The following NEDD4L variants were observed in gnomAD, a reference collection of about 807,000 sequenced individuals.
NEDD4L encodes NEDD4 like E3 ubiquitin protein ligase.
In NEDD4L, 54 loss-of-function variants were observed where a neutral mutation model predicts 148.9. The ratio of observed to expected loss-of-function variants is 0.36; its 90% CI spans 0.29 to 0.45. NEDD4L has a LOEUF of 0.45. NEDD4L is among the 20% of genes least tolerant of loss of function. NEDD4L has a pLI of 1.00. For synonymous variants in NEDD4L, 433 were observed against 440.7 expected (o/e 0.98, Z 0.22); for missense variants, 856 against 1,233.8 (o/e 0.69, Z 4.59).
At chr18:58,115,249 T>C (rs868622236) in intron 1 of NEDD4L, among the ~76,000 whole-genome samples, 19 of 148,786 alleles carry the variant, frequency 1.3e-4, no homozygotes, top group East Asian at 7.7e-4. Context: ...TTCTTTCTTT[T>C]TTTTTTTTTT....
chr18:58,133,424 C>T (rs751218976), intron 1 of NEDD4L, among the ~76,000 whole-genome samples: 2 of 152,098 alleles, frequency 1.3e-5, no homozygotes, highest in Non-Finnish European at 2.9e-5. Context: ...CTCAGAAGAA[C>T]GTAGAGAAAC....
intron 24 of NEDD4L, among the ~76,000 whole-genome samples, chr18:58,380,916 C>T (rs542386341): frequency 6.6e-6 from 1 of 152,310 alleles, no homozygotes; most frequent in African/African-American, 2.4e-5. Flanking sequence ...CAGTCTATAA[C>T]ATTCTAATGA....
chr18:58,196,952 A>C (rs1055690698), intron 2 of NEDD4L, among the ~76,000 whole-genome samples: 1 of 152,018 alleles, frequency 6.6e-6, no homozygotes, highest in Non-Finnish European at 1.5e-5. Flanking sequence ...GGAGGAGGGC[A>C]CCGAGCATGT....
rs1394625736 is a variant in NEDD4L at position 58,142,041 on chromosome 18, T to C, written c.49-23747T>C. The stretch of plus-strand genomic sequence containing the variant: ...CCCACTGCCTTCCAAAATTTCTTTC[T>C]TTTTTTTTTTTTTTTTTTTTTTTGA... On this transcript the variant is annotated intron_variant, in intron 1 of 30. Coordinates refer to ENST00000400345, the MANE Select transcript of NEDD4L (RefSeq NM_001144967.3). Among the ~76,000 whole-genome samples the C allele has an allele frequency of 9.7e-3, 298 of 30,878 alleles. 4 individuals are homozygous for C. The highest frequency in any genetic ancestry group is 0.059 in the East Asian group (53 of 898). The allele number at this position is 30,878 out of a possible 152,430, so 20.3% of individuals were successfully genotyped here. A position where few individuals can be genotyped will look rare whatever the true frequency, so the allele number is the denominator to read the frequency against.
At chr18:58,205,578 G>T (rs772965260) in intron 2 of NEDD4L, among the ~76,000 whole-genome samples, 1 of 151,930 alleles carries the variant, frequency 6.6e-6, no homozygotes, top group East Asian at 1.9e-4. Flanking sequence ...GAGTGTGTCA[G>T]TTGGGAGAGG....
chr18:58,255,866 C>G, intron 5 of NEDD4L: 1 of 1,232,492 alleles, frequency 8.1e-7, no homozygotes. Context: ...GTTCATCCCG[C>G]AGCTCTTGAC....
intron 1 of NEDD4L, among the ~76,000 whole-genome samples, chr18:58,111,634 A>C (rs183495740): frequency 9.2e-5 from 14 of 152,286 alleles, no homozygotes; most frequent in Non-Finnish European, 1.2e-4. Context: ...TATTGGTCAA[A>C]TACTAGTCTG....
At chr18:58,333,794 T>C in intron 11 of NEDD4L, 24 bp from the exon 12 acceptor site, 1 of 1,582,980 alleles carries the variant, frequency 6.3e-7, no homozygotes, top group Non-Finnish European at 8.7e-7. Context: ...TCTTGATGCT[T>C]CCTGTCTTTT....
intron 22 of NEDD4L, among the ~76,000 whole-genome samples, chr18:58,368,568 G>T (rs748147319): frequency 6.6e-6 from 1 of 152,236 alleles, no homozygotes; most frequent in African/African-American, 2.4e-5. Flanking sequence ...GATGGGAAGA[G>T]GGAGAGTAGG....
At chr18:58,235,121 C>T (rs1205349123) in intron 2 of NEDD4L, among the ~76,000 whole-genome samples, 2 of 151,710 alleles carry the variant, frequency 1.3e-5, no homozygotes, top group African/African-American at 4.8e-5. Flanking sequence ...GTGCTTGGCT[C>T]ATATAAACAC....
chr18:58,315,915 A>G (rs1163378432), intron 5 of NEDD4L, 67 bp from the exon 6 acceptor site: 2 of 1,366,592 alleles, frequency 1.5e-6, no homozygotes, highest in African/African-American at 2.9e-5. Flanking sequence ...ATGATAAAAC[A>G]TTTTTAGGAA....
intron 2 of NEDD4L, among the ~76,000 whole-genome samples, chr18:58,242,141 A>G (rs1245647272): frequency 6.6e-6 from 1 of 152,216 alleles, no homozygotes; most frequent in African/African-American, 2.4e-5. Flanking sequence ...GCAGTTGGCC[A>G]GCACCCAGTG....
intron 5 of NEDD4L, among the ~76,000 whole-genome samples, chr18:58,294,792 A>C (rs2055321310): frequency 6.6e-6 from 1 of 151,774 alleles, no homozygotes; most frequent in Non-Finnish European, 1.5e-5. Flanking sequence ...AAGTGTACCC[A>C]GTCTCAAGTT....
intron 5 of NEDD4L, among the ~76,000 whole-genome samples, chr18:58,279,944 C>T (rs986078877): frequency 6.6e-6 from 1 of 152,212 alleles, no homozygotes; most frequent in Non-Finnish European, 1.5e-5. Flanking sequence ...GGTTCCTGCT[C>T]TAAGCCAGGC....
At chr18:58,247,057 A>G (rs900788473) in intron 3 of NEDD4L, among the ~76,000 whole-genome samples, 3 of 152,144 alleles carry the variant, frequency 2.0e-5, no homozygotes, top group African/African-American at 7.2e-5. Context: ...CCCAAAAAAC[A>G]AAACAAACCC....
intron 1 of NEDD4L, among the ~76,000 whole-genome samples, chr18:58,062,363 C>T (rs2082371186): frequency 6.6e-6 from 1 of 152,026 alleles, no homozygotes; most frequent in Non-Finnish European, 1.5e-5. Flanking sequence ...ACCTTCCAGT[C>T]TGCTAGAAAA....
intron 2 of NEDD4L, among the ~76,000 whole-genome samples, chr18:58,205,034 T>C (rs2041838744): frequency 6.6e-6 from 1 of 152,250 alleles, no homozygotes; most frequent in African/African-American, 2.4e-5. Context: ...ATGGGATGTT[T>C]GGGTTGAGAG....
intron 13 of NEDD4L, 156 bp downstream of exon 13, chr18:58,335,693 G>A: frequency 1.6e-6 from 1 of 641,286 alleles, no homozygotes; most frequent in Non-Finnish European, 2.8e-6. Flanking sequence ...CTCATTTGGG[G>A]ATTGTTTAAA....
chr18:58,184,490 T>C (rs1294211049), intron 2 of NEDD4L, among the ~76,000 whole-genome samples: 2 of 152,054 alleles, frequency 1.3e-5, no homozygotes, highest in Non-Finnish European at 2.9e-5. Context: ...TAGGGATTAT[T>C]ATCCTACCTC....
Sources: gnomAD v4.1 joint callset for allele counts (sites outside exome capture counted in the v4.1 genomes callset) on GRCh38, gnomAD v4.1.1 for gene constraint, MANE v1.5 for transcripts, NCBI Gene and HGNC (gene_info 2026-07-23, HGNC 2026-07-21) for gene names.